Variants in GLP2R observed in about 807,000 individuals in gnomAD.
GLP2R encodes glucagon like peptide 2 receptor.
Under a neutral mutation model 68.2 loss-of-function variants are expected in GLP2R, and 59 were observed. The observed-to-expected ratio is 0.87, with a 90% CI of 0.70 to 1.07. GLP2R has a LOEUF of 1.07. Ranked by LOEUF, GLP2R falls within the 50% of genes least tolerant of loss-of-function variation. The pLI, the probability that GLP2R is intolerant of heterozygous loss-of-function variation, is 0.00. For missense variants in GLP2R, 548 were observed against 677.4 expected (o/e 0.81, Z 2.12); for synonymous variants, 270 against 265.4 (o/e 1.02, Z -0.17).
intron 10 of GLP2R, among the ~76,000 whole-genome samples, chr17:9,872,439 T>G (rs944143114): frequency 6.6e-6 from 1 of 152,046 alleles, no homozygotes; most frequent in Non-Finnish European, 1.5e-5. Flanking sequence ...TAGCTGGGTG[T>G]GGTGGTGTGT....
At chr17:9,830,467 A>G (rs949228217) in intron 1 of GLP2R, among the ~76,000 whole-genome samples, 1 of 152,268 alleles carries the variant, frequency 6.6e-6, no homozygotes, top group Admixed American at 6.5e-5. Context: ...TTAATAACTT[A>G]CATGCTTCCT....
chr17:9,850,040 G>A (rs575674563), intron 4 of GLP2R, among the ~76,000 whole-genome samples: 2 of 152,302 alleles, frequency 1.3e-5, no homozygotes, highest in African/African-American at 4.8e-5. Context: ...AAAGGCAGGT[G>A]CATATATAAT....
intron 4 of GLP2R, chr17:9,852,813 TTCA>T (rs892956709): frequency 2.4e-4 from 67 of 279,382 alleles, no homozygotes; most frequent in East Asian, 6.9e-4. Flanking sequence ...CATCATCATC[TTCA>T]TCATCATCAT....
chr17:9,855,512 A>T (rs62066034), intron 5 of GLP2R, among the ~76,000 whole-genome samples: 2 of 152,112 alleles, frequency 1.3e-5, no homozygotes, highest in Non-Finnish European at 2.9e-5. Flanking sequence ...TACAGAAGAG[A>T]TTAAGAATCT....
chr17:9,876,658 C>T lies in GLP2R; in HGVS notation c.1146-3720C>T, dbSNP rs942201530. Among the ~76,000 whole-genome samples the T allele has an allele frequency of 4.6e-5, 7 of 152,100 alleles. 1 individual carries two copies. The highest frequency in any genetic ancestry group is 2.6e-4 in the Admixed American group (4 of 15,264). ...CATGACCTGTTTCAGGGGAGAAGGG[C>T]GGGAGGTTAGAGAGACCTTCCTGCT... On this transcript the variant is annotated intron_variant, in intron 10 of 12. Coordinates refer to ENST00000262441, the MANE Select transcript of GLP2R (RefSeq NM_004246.3).
chr17:9,833,399 C>A (rs2066698985), intron 1 of GLP2R, among the ~76,000 whole-genome samples: 1 of 152,196 alleles, frequency 6.6e-6, no homozygotes, highest in African/African-American at 2.4e-5. Context: ...GATACCTGGG[C>A]AATGCAGGCT....
chr17:9,831,037 A>G (rs2066675194), intron 1 of GLP2R, among the ~76,000 whole-genome samples: 1 of 152,224 alleles, frequency 6.6e-6, no homozygotes, highest in African/African-American at 2.4e-5. Context: ...TACTGAGTCA[A>G]TAAGTTTGGG....
At chr17:9,887,588 C>T (rs1398075752) in intron 11 of GLP2R, among the ~76,000 whole-genome samples, 3 of 152,098 alleles carry the variant, frequency 2.0e-5, no homozygotes, top group African/African-American at 2.4e-5. Context: ...AGAGATGCAA[C>T]AGTGACCTTG....
At chr17:9,859,919 C>T in intron 6 of GLP2R, 23 bp from the exon 7 acceptor site, 1 of 1,580,942 alleles carries the variant, frequency 6.3e-7, no homozygotes, top group Non-Finnish European at 8.6e-7. Context: ...TGGACTCACC[C>T]TCAGGTGTTT....
At chr17:9,863,189 C>T (rs1440907941) in intron 9 of GLP2R, among the ~76,000 whole-genome samples, 1 of 152,200 alleles carries the variant, frequency 6.6e-6, no homozygotes, top group African/African-American at 2.4e-5. Context: ...GCCACATCCT[C>T]CTGCCCTCCA....
chr17:9,832,699 C>G (rs552745024), intron 1 of GLP2R, among the ~76,000 whole-genome samples: 1 of 146,072 alleles, frequency 6.8e-6, no homozygotes, highest in East Asian at 2.1e-4. Flanking sequence ...CCATCACACT[C>G]TAGCCTGGGC....
In GLP2R at chr17:9,862,007, A is replaced by G. The variant is rs2037025984; in HGVS notation, c.987-14A>G. The G allele has an allele frequency of 2.5e-6, 4 of 1,592,064 alleles. No homozygotes were observed. Among genetic ancestry groups the G allele is most frequent in the African/African-American group, 1.3e-5 (1 of 74,526 alleles). Reference sequence around the variant, plus strand: ...TTTAAGTCTTCTACTGCCTGCTTCTACTGTTGACCTTAGGTGCTGGACAAC... The same window carrying G: ...TTTAAGTCTTCTACTGCCTGCTTCTGCTGTTGACCTTAGGTGCTGGACAAC... On this transcript the variant is annotated splice_polypyrimidine_tract_variant and intron_variant, in intron 8 of 12. Coordinates refer to ENST00000262441, the MANE Select transcript of GLP2R (RefSeq NM_004246.3).
At chr17:9,885,036 TC>T (rs1597406594) in intron 11 of GLP2R, among the ~76,000 whole-genome samples, 1 of 152,112 alleles carries the variant, frequency 6.6e-6, no homozygotes, top group Admixed American at 6.5e-5. Context: ...GAGGCAGATT[TC>T]TGAGAAAGAA....
chr17:9,884,507 A>ATACCTG (rs1216129376), intron 11 of GLP2R, among the ~76,000 whole-genome samples: 1 of 152,178 alleles, frequency 6.6e-6, no homozygotes, highest in Non-Finnish European at 1.5e-5. Context: ...GGAGACACCA[A>ATACCTG]GTTCCCTATA....
chr17:9,878,673 C>T (rs1241465150), intron 10 of GLP2R, among the ~76,000 whole-genome samples: 1 of 152,282 alleles, frequency 6.6e-6, no homozygotes, highest in East Asian at 1.9e-4. Flanking sequence ...GTCCTGGTGG[C>T]TCCTGCACCC....
At chr17:9,840,325 C>T (rs533407702) in intron 3 of GLP2R, among the ~76,000 whole-genome samples, 4 of 152,286 alleles carry the variant, frequency 2.6e-5, no homozygotes, top group African/African-American at 4.8e-5. Context: ...CATTTATAAT[C>T]GTTTACGGCG....
chr17:9,847,896 T>C (rs1387538881), intron 4 of GLP2R, among the ~76,000 whole-genome samples: 9 of 152,122 alleles, frequency 5.9e-5, no homozygotes, highest in Non-Finnish European at 1.3e-4. Flanking sequence ...ATAAGTATGA[T>C]CCCAGTGCTT....
intron 4 of GLP2R, 51 bp downstream of exon 4, chr17:9,842,667 C>T: frequency 6.2e-7 from 1 of 1,601,968 alleles, no homozygotes; most frequent in South Asian, 1.1e-5. Flanking sequence ...AACCACCCTC[C>T]TTCGGGACAC....
intron 1 of GLP2R, among the ~76,000 whole-genome samples, chr17:9,829,346 G>A (rs2066660308): frequency 6.6e-6 from 1 of 150,806 alleles, no homozygotes; most frequent in Admixed American, 6.6e-5. Context: ...TTTTGGTGAG[G>A]GTAGACAGTT....
Sources: allele counts gnomAD v4.1 joint callset (sites outside exome capture counted in the v4.1 genomes callset), GRCh38; gene constraint gnomAD v4.1.1; transcripts MANE v1.5; gene names NCBI Gene and HGNC (gene_info 2026-07-23, HGNC 2026-07-21).